EIF2AK3: variants seen among roughly 807,000 people sequenced by gnomAD.
The protein encoded by EIF2AK3 is eukaryotic translation initiation factor 2 alpha kinase 3.
Under a neutral mutation model 113.5 loss-of-function variants are expected in EIF2AK3, and 50 were observed. The ratio of observed to expected loss-of-function variants is 0.44; its 90% CI spans 0.35 to 0.56. The LOEUF is 0.56. Ranked by LOEUF, EIF2AK3 falls within the 20% of genes least tolerant of loss-of-function variation. The pLI, the probability that EIF2AK3 is intolerant of heterozygous loss-of-function variation, is 0.00. For missense variants in EIF2AK3, 1,185 were observed against 1,378.0 expected (o/e 0.86, Z 2.22); for synonymous variants, 448 against 495.4 (o/e 0.90, Z 1.27).
chr2:88,578,128 CA>C (rs1674508874), intron 11 of EIF2AK3, among the ~76,000 whole-genome samples: 1 of 151,732 alleles, frequency 6.6e-6, no homozygotes, highest in Non-Finnish European at 1.5e-5. Context: ...AGTTATTTAC[CA>C]AAAGAAAAAA....
chr2:88,606,405 CCA>C (rs760490111), intron 2 of EIF2AK3, among the ~76,000 whole-genome samples: 59 of 152,148 alleles, frequency 3.9e-4, no homozygotes, highest in Non-Finnish European at 7.2e-4. Flanking sequence ...CTGCTTTCAG[CCA>C]TGCTAAGGGA....
intron 1 of EIF2AK3, among the ~76,000 whole-genome samples, chr2:88,619,162 G>A (rs1006940473): frequency 1.3e-4 from 19 of 151,974 alleles, no homozygotes; most frequent in African/African-American, 4.1e-4. Flanking sequence ...GCTAATTTTT[G>A]TATTTTTTAG....
At chr2:88,591,733 A>G (rs1375288994) in intron 4 of EIF2AK3, among the ~76,000 whole-genome samples, 1 of 152,218 alleles carries the variant, frequency 6.6e-6, no homozygotes, top group Non-Finnish European at 1.5e-5. Context: ...TTAGATATAA[A>G]ATGGCATAGT....
intron 10 of EIF2AK3, among the ~76,000 whole-genome samples, chr2:88,581,552 G>A (rs535335885): frequency 6.6e-6 from 1 of 152,238 alleles, no homozygotes; most frequent in South Asian, 2.1e-4. Context: ...CTCCAGGATA[G>A]GAGCAGTCTT....
intron 7 of EIF2AK3, among the ~76,000 whole-genome samples, 166 bp downstream of exon 7, chr2:88,588,595 A>T (rs1674798250): frequency 6.6e-6 from 1 of 152,234 alleles, no homozygotes; most frequent in South Asian, 2.1e-4. Flanking sequence ...GCTCTAAATG[A>T]AAATAAAAAT....
chr2:88,574,600 A>G, intron 13 of EIF2AK3, 66 bp downstream of exon 13: 2 of 1,562,124 alleles, frequency 1.3e-6, no homozygotes, highest in Admixed American at 3.6e-5. Context: ...AGAGTACTGC[A>G]AGTACTGCTC....
At chr2:88,585,298 A>T (rs1343673045) in intron 9 of EIF2AK3, among the ~76,000 whole-genome samples, 1 of 152,036 alleles carries the variant, frequency 6.6e-6, no homozygotes, top group African/African-American at 2.4e-5. Flanking sequence ...GAGAGAGAAA[A>T]ATGCTAGAAC....
At chr2:88,565,503 A>T (rs1190998630) in intron 14 of EIF2AK3, among the ~76,000 whole-genome samples, 1 of 151,724 alleles carries the variant, frequency 6.6e-6, no homozygotes, top group Admixed American at 6.6e-5. Flanking sequence ...CACCATGCCC[A>T]GCTAATTTTT....
At chr2:88,594,912 G>C (rs931363220) in intron 3 of EIF2AK3, among the ~76,000 whole-genome samples, 2 of 150,932 alleles carry the variant, frequency 1.3e-5, no homozygotes, top group Admixed American at 1.3e-4. Flanking sequence ...AAGAACCTGA[G>C]GCTGGGCATG....
rs1376399570 is a variant in EIF2AK3 at position 88,575,472 on chromosome 2, G to GT, written c.2037-27dup. 3 of 1,600,630 alleles carry GT rather than the reference G, an allele frequency of 1.9e-6. No homozygotes were observed. The African/African-American group carries it at 4.0e-5, about 21-fold the overall frequency. ...CTAAAAGTGGGAGAAATACAAAGGG[G>GT]TAAGAGTGAATATATATTGATTCAA... On this transcript the variant is annotated intron_variant, in intron 12 of 16. Coordinates refer to ENST00000303236, the MANE Select transcript of EIF2AK3 (RefSeq NM_004836.7).
intron 2 of EIF2AK3, among the ~76,000 whole-genome samples, chr2:88,607,892 T>C (rs570882237): frequency 6.6e-6 from 1 of 152,326 alleles, no homozygotes; most frequent in Admixed American, 6.5e-5. Flanking sequence ...AGTTAGATTA[T>C]CTTTAGAGAT....
chr2:88,566,981 C>A (rs1413332925), intron 14 of EIF2AK3, among the ~76,000 whole-genome samples: 1 of 151,926 alleles, frequency 6.6e-6, no homozygotes, highest in Non-Finnish European at 1.5e-5. Context: ...AAAACAGAAG[C>A]AAAAGCAAAA....
chr2:88,574,607 G>A, intron 13 of EIF2AK3, 59 bp downstream of exon 13: 1 of 1,587,056 alleles, frequency 6.3e-7, no homozygotes, highest in Admixed American at 1.7e-5. Context: ...TGCAAGTACT[G>A]CTCTGAATCA....
intron 13 of EIF2AK3, 123 bp downstream of exon 13, chr2:88,574,543 C>T (rs988530649): frequency 1.6e-6 from 2 of 1,257,388 alleles, no homozygotes; most frequent in African/African-American, 3.0e-5. Flanking sequence ...TTTCTCAGAC[C>T]TCTGCTCTCA....
chr2:88,587,841 A>G (rs1674777271), intron 8 of EIF2AK3, 141 bp downstream of exon 8: 2 of 570,852 alleles, frequency 3.5e-6, no homozygotes, highest in African/African-American at 3.9e-5. Flanking sequence ...CTAACTTTGG[A>G]GCTTGTATGC....
chr2:88,571,712 G>T (rs1674314477), intron 13 of EIF2AK3, among the ~76,000 whole-genome samples: 2 of 152,212 alleles, frequency 1.3e-5, no homozygotes, highest in Non-Finnish European at 2.9e-5. Context: ...GAATGAAACA[G>T]ACTGATCTTT....
At chr2:88,588,156 G>A in intron 7 of EIF2AK3, 52 bp from the exon 8 acceptor site, 2 of 1,219,732 alleles carry the variant, frequency 1.6e-6, no homozygotes, top group Non-Finnish European at 2.3e-6. Flanking sequence ...AGTCTGAACT[G>A]TTATGACTTG....
Position 88,574,525 on chromosome 2 carries a change from G to A in EIF2AK3, c.2817+141C>T, listed in dbSNP as rs1371791265. 9.7e-6 allele frequency: 10 copies of A among 1,031,802 alleles called. No homozygotes were observed. In the East Asian group the frequency reaches 1.0e-4, roughly 11 times the overall value. The allele number at this position is 1,031,802 out of a possible 1,614,324, so 63.9% of individuals were successfully genotyped here. The stretch of plus-strand genomic sequence containing the variant: ...TCTTATTCTTGCAGCAGGCCCCTTC[G>A]AGGCTACTTTCTCAGACCTCTGCTC... On this transcript the variant is annotated intron_variant, in intron 13 of 16. Coordinates refer to ENST00000303236, the MANE Select transcript of EIF2AK3 (RefSeq NM_004836.7).
chr2:88,620,791 T>C (rs1675700628), intron 1 of EIF2AK3, among the ~76,000 whole-genome samples: 1 of 152,248 alleles, frequency 6.6e-6, no homozygotes, highest in Admixed American at 6.5e-5. Context: ...TCACTTATTA[T>C]CCATTCGAGG....
Sources: gnomAD v4.1 joint callset for allele counts (sites outside exome capture counted in the v4.1 genomes callset) on GRCh38, gnomAD v4.1.1 for gene constraint, MANE v1.5 for transcripts, NCBI Gene and HGNC (gene_info 2026-07-23, HGNC 2026-07-21) for gene names.